COG5: variants seen among roughly 807,000 people sequenced by gnomAD.
COG5 encodes component of oligomeric golgi complex 5.
A neutral mutation model predicts 110.4 loss-of-function variants in COG5; 86 were observed. That is an observed-to-expected ratio of 0.78 (90% CI 0.65 to 0.93). COG5 has a LOEUF of 0.93. Ranked by LOEUF, COG5 falls within the 40% of genes least tolerant of loss-of-function variation. COG5 has a pLI of 0.00. For synonymous variants in COG5, 360 were observed against 334.6 expected (o/e 1.08, Z -0.83); for missense variants, 1,077 against 987.0 (o/e 1.09, Z -1.22).
intron 12 of COG5, among the ~76,000 whole-genome samples, chr7:107,293,909 T>G (rs528306136): frequency 7.9e-5 from 12 of 151,872 alleles, no homozygotes; most frequent in Admixed American, 2.0e-4. Flanking sequence ...CTGTCTCTAC[T>G]AAAAATACAA....
rs746852493 is a variant in COG5 at position 107,555,118 on chromosome 7, T to A, written c.235-776A>T. 7.2e-5 allele frequency among the ~76,000 whole-genome samples: 11 copies of A among 152,150 alleles called. No homozygotes were observed. The East Asian group carries it at 1.9e-3, about 27-fold the overall frequency. On this transcript the variant is annotated intron_variant, in intron 2 of 21. Transcript: ENST00000297135. ...TTCAGTGCTCACCTATACCTGAACATCTCTCTGCTTCCAGTTTCCCAGTGT... is the reference window on the plus strand; with the variant it reads ...TTCAGTGCTCACCTATACCTGAACAACTCTCTGCTTCCAGTTTCCCAGTGT...
At chr7:107,499,802 GT>G (rs1218245445) in intron 6 of COG5, among the ~76,000 whole-genome samples, 2 of 152,248 alleles carry the variant, frequency 1.3e-5, no homozygotes, top group East Asian at 3.9e-4. Flanking sequence ...CAATTTCAAA[GT>G]TTAGAAGTAG....
intron 6 of COG5, among the ~76,000 whole-genome samples, chr7:107,486,700 G>C (rs191040420): frequency 3.1e-4 from 47 of 152,232 alleles, no homozygotes; most frequent in African/African-American, 1.1e-3. Context: ...AACTGCAATA[G>C]AAAGTCCATA....
intron 6 of COG5, among the ~76,000 whole-genome samples, chr7:107,469,041 T>C (rs979278250): frequency 6.7e-6 from 1 of 150,116 alleles, no homozygotes; most frequent in Non-Finnish European, 1.5e-5. Context: ...ATTTAAAATT[T>C]TTAATTTAAA....
intron 21 of COG5, 146 bp downstream of exon 21, chr7:107,210,380 C>G: frequency 6.9e-7 from 1 of 1,455,468 alleles, no homozygotes; most frequent in Non-Finnish European, 9.1e-7. Context: ...GCTCCAGCAC[C>G]CGTGCCTAGG....
chr7:107,551,578 G>A (rs116487406), intron 3 of COG5, among the ~76,000 whole-genome samples: 2,252 of 152,086 alleles, frequency 0.015, 59 homozygotes, highest in African/African-American at 0.052. Context: ...GACACATCAT[G>A]CTAAAATGAA....
chr7:107,403,899 CTATTAT>C (rs113864164), intron 7 of COG5, among the ~76,000 whole-genome samples: 13 of 151,226 alleles, frequency 8.6e-5, no homozygotes, highest in East Asian at 1.9e-4. Context: ...TTAGGTGACT[CTATTAT>C]TATTATTATT....
intron 8 of COG5, among the ~76,000 whole-genome samples, chr7:107,366,271 A>C (rs1476556556): frequency 6.6e-6 from 1 of 152,262 alleles, no homozygotes; most frequent in South Asian, 2.1e-4. Flanking sequence ...AAATGCAAAG[A>C]TACTGGAAGC....
intron 19 of COG5, 44 bp downstream of exon 19, chr7:107,230,571 T>C (rs765914486): frequency 3.6e-6 from 5 of 1,405,908 alleles, no homozygotes; most frequent in Non-Finnish European, 5.0e-6. Context: ...AAGGATTTAT[T>C]TGCCTGGAGG....
At chr7:107,259,084 G>A (rs911752574) in intron 14 of COG5, among the ~76,000 whole-genome samples, 6 of 151,748 alleles carry the variant, frequency 4.0e-5, no homozygotes, top group Admixed American at 2.6e-4. Context: ...GAGTTTTAGG[G>A]AAACGGACAT....
At chr7:107,283,138 T>C (rs948729879) in intron 13 of COG5, among the ~76,000 whole-genome samples, 2 of 152,174 alleles carry the variant, frequency 1.3e-5, no homozygotes, top group Non-Finnish European at 2.9e-5. Flanking sequence ...AAGCTTAAAA[T>C]AGCGAACACA....
intron 18 of COG5, among the ~76,000 whole-genome samples, chr7:107,231,992 C>T (rs1176814071): frequency 6.6e-6 from 1 of 152,128 alleles, no homozygotes; most frequent in Non-Finnish European, 1.5e-5. Flanking sequence ...AAACTTATGA[C>T]CTCAGTGTCG....
In COG5 at chr7:107,499,408, ATTTT is replaced by A. The variant is rs35466632; in HGVS notation, c.538+27825_538+27828del. On this transcript the variant is annotated intron_variant, in intron 6 of 21. Transcript: ENST00000297135. ...TAAAAAACAAAGGGAAGAGGAGTAAATTTTTTTTTTTTTTTGAGATGGAGTCTCG... is the reference window on the plus strand; with the variant it reads ...TAAAAAACAAAGGGAAGAGGAGTAAATTTTTTTTTTTGAGATGGAGTCTCG... Among the ~76,000 whole-genome samples the A allele has an allele frequency of 2.1e-5, 3 of 145,776 alleles. No individual in the cohort carries two copies. In the South Asian group the frequency reaches 6.6e-4, roughly 32 times the overall value.
chr7:107,466,690 A>T (rs1461526388), intron 6 of COG5, among the ~76,000 whole-genome samples: 1 of 152,238 alleles, frequency 6.6e-6, no homozygotes, highest in Non-Finnish European at 1.5e-5. Context: ...TAAAGTTGAG[A>T]AGCCAAATAA....
At chr7:107,240,740 T>C (rs1801552657) in intron 17 of COG5, among the ~76,000 whole-genome samples, 1 of 152,192 alleles carries the variant, frequency 6.6e-6, no homozygotes, top group South Asian at 2.1e-4. Context: ...ACATAAGCCA[T>C]ATATATATGA....
intron 2 of COG5, 22 bp from the exon 3 acceptor site, chr7:107,554,364 T>C (rs745731581): frequency 6.2e-7 from 1 of 1,608,458 alleles, no homozygotes; most frequent in Non-Finnish European, 8.5e-7. Flanking sequence ...AAATAAATGA[T>C]TAGCTTTTGC....
chr7:107,327,239 C>T (rs185871886), intron 10 of COG5, among the ~76,000 whole-genome samples: 75 of 152,110 alleles, frequency 4.9e-4, no homozygotes, highest in African/African-American at 1.6e-3. Context: ...ACTGGATATA[C>T]GCATGCAAAA....
In COG5 at chr7:107,283,634, G is replaced by A. The variant is rs2116813555; in HGVS notation, c.1412C>T (p.Pro471Leu). ...GGAAGGAGGATTACGACCACCCGGG[G>A]GAAAAACCAAGTTGATAGGATCGAA... ...RLFDPINLVF[P>L]PGGRNPPSSD... The change falls in exon 13 of 22, where the codon CCC becomes CTC. Residue 471 changes from proline (P) to leucine (L), a missense_variant. Transcript: ENST00000297135. 1.2e-6 allele frequency: 2 copies of A among 1,613,896 alleles called. No homozygotes were observed. The highest frequency in any genetic ancestry group is 1.7e-6 in the Non-Finnish European group (2 of 1,179,882).
chr7:107,482,326 T>C (rs116982440), intron 6 of COG5, among the ~76,000 whole-genome samples: 12 of 151,862 alleles, frequency 7.9e-5, no homozygotes, highest in Middle Eastern at 3.4e-3. Flanking sequence ...AAAAAAATTT[T>C]GTAGAGACAG....
Sources: allele counts gnomAD v4.1 joint callset (sites outside exome capture counted in the v4.1 genomes callset), GRCh38; gene constraint gnomAD v4.1.1; transcripts MANE v1.5; gene names NCBI Gene and HGNC (gene_info 2026-07-23, HGNC 2026-07-21).